Variants in ANXA8 observed in about 807,000 individuals in gnomAD.
ANXA8 encodes VAC-beta.
Under a neutral mutation model 26.8 loss-of-function variants are expected in ANXA8, and 9 were observed. The observed-to-expected ratio is 0.34, with a 90% CI of 0.20 to 0.59. The LOEUF is 0.59. Among genes scored for constraint, ANXA8 ranks in the 20% least tolerant of loss-of-function variants. ANXA8 has a pLI of 0.84. For missense variants in ANXA8, 83 were observed against 238.5 expected (o/e 0.35, Z 4.29); for synonymous variants, 39 against 94.8 (o/e 0.41, Z 3.42).
At chr10:47,688,645 C>G in the ANXA8 span, among the ~76,000 whole-genome samples, 1 of 151,320 alleles carries the variant, frequency 6.6e-6, no homozygotes, top group Non-Finnish European at 1.5e-5. Flanking sequence ...TGGTCTTGAA[C>G]TCCTGACCTC....
At chr10:47,676,316 A>G in the ANXA8 span, among the ~76,000 whole-genome samples, 1 of 151,916 alleles carries the variant, frequency 6.6e-6, no homozygotes, top group Non-Finnish European at 1.5e-5. Context: ...CAATTCACAA[A>G]TGGAAGGAGT....
the ANXA8 span, among the ~76,000 whole-genome samples, chr10:47,981,852 GT>G: frequency 6.6e-6 from 1 of 151,888 alleles, no homozygotes; most frequent in Admixed American, 6.6e-5. Flanking sequence ...AGATGTCAAT[GT>G]TTCCCAAATT....
At chr10:47,918,383 GAGAAAGAAAGAAAGAA>G in the ANXA8 span, among the ~76,000 whole-genome samples, 1 of 10,506 alleles carries the variant, frequency 9.5e-5, no homozygotes, top group Non-Finnish European at 1.6e-4. Flanking sequence ...GAGAGAGAGA[GAGAAAGAAAGAAAGAA>G]AGAAAGAAAG....
chr10:47,702,202 A>G, the ANXA8 span, among the ~76,000 whole-genome samples: 7 of 150,532 alleles, frequency 4.7e-5, no homozygotes, highest in Admixed American at 1.3e-4. Flanking sequence ...AGGCATGTGT[A>G]TATGGGTGGG....
chr10:47,517,193 T>TAGACAGTG, the ANXA8 span, among the ~76,000 whole-genome samples: 1 of 95,606 alleles, frequency 1.0e-5, no homozygotes, highest in Non-Finnish European at 2.0e-5. Flanking sequence ...AGAAAGTCAA[T>TAGACAGTG]AGACAGTGCT....
At chr10:47,738,747 T>A in the ANXA8 span, among the ~76,000 whole-genome samples, 1 of 152,042 alleles carries the variant, frequency 6.6e-6, no homozygotes, top group African/African-American at 2.4e-5. Flanking sequence ...TGGATAATTT[T>A]TGTATTTTTT....
At chr10:47,675,715 T>C in the ANXA8 span, among the ~76,000 whole-genome samples, 5 of 151,576 alleles carry the variant, frequency 3.3e-5, no homozygotes, top group Non-Finnish European at 5.9e-5. Flanking sequence ...TAATGAAAAG[T>C]TACAAGGCAC....
the ANXA8 span, chr10:47,588,939 G>A: frequency 7.1e-6 from 1 of 140,532 alleles, no homozygotes; most frequent in African/African-American, 3.0e-5. Flanking sequence ...CTCAGCCTCC[G>A]AGTAGCTGGG....
At chr10:47,658,366 A>G in the ANXA8 span, among the ~76,000 whole-genome samples, 7 of 149,460 alleles carry the variant, frequency 4.7e-5, no homozygotes, top group African/African-American at 1.5e-4. Context: ...AGCCTGGGCA[A>G]CAGTGCAAGA....
the ANXA8 span, among the ~76,000 whole-genome samples, chr10:47,647,849 A>C: frequency 6.6e-6 from 1 of 151,960 alleles, no homozygotes; most frequent in African/African-American, 2.4e-5. Flanking sequence ...CCACATAGGA[A>C]ATAGGAGAAA....
the ANXA8 span, among the ~76,000 whole-genome samples, chr10:47,777,441 C>CCA: frequency 6.6e-6 from 1 of 152,266 alleles, no homozygotes; most frequent in South Asian, 2.1e-4. Context: ...GTGTGAGCCA[C>CCA]CACACCAGGC....
the ANXA8 span, among the ~76,000 whole-genome samples, chr10:47,492,280 G>T: frequency 6.8e-6 from 1 of 148,102 alleles, no homozygotes; most frequent in Non-Finnish European, 1.5e-5. Context: ...AGTCAGAGGG[G>T]GGCACAGCAC....
the ANXA8 span, among the ~76,000 whole-genome samples, chr10:47,587,580 C>T: frequency 2.0e-5 from 3 of 147,168 alleles, no homozygotes; most frequent in African/African-American, 5.4e-5. Flanking sequence ...ACACAAGAGG[C>T]GAGTGACTTG....
At chr10:47,676,835 T>C in the ANXA8 span, among the ~76,000 whole-genome samples, 1 of 146,668 alleles carries the variant, frequency 6.8e-6, no homozygotes, top group Non-Finnish European at 1.5e-5. Context: ...GGAGAATCAC[T>C]TGAACCCAGG....
At chr10:47,701,946 A>G in the ANXA8 span, among the ~76,000 whole-genome samples, 1 of 151,212 alleles carries the variant, frequency 6.6e-6, no homozygotes, top group Admixed American at 6.6e-5. Flanking sequence ...CTATAAGGCT[A>G]ATGACAGAAA....
At chr10:47,637,489 CT>C in the ANXA8 span, among the ~76,000 whole-genome samples, 1 of 148,224 alleles carries the variant, frequency 6.7e-6, no homozygotes, top group African/African-American at 2.6e-5. Flanking sequence ...GAAAATCTGT[CT>C]GTGGAAAACA....
chr10:47,672,763 T>C, the ANXA8 span, among the ~76,000 whole-genome samples: 329 of 148,478 alleles, frequency 2.2e-3, 4 homozygotes, highest in African/African-American at 7.6e-3. Context: ...GAGACCTTAA[T>C]GTACTGAGGG....
the ANXA8 span, among the ~76,000 whole-genome samples, chr10:47,745,940 G>C: frequency 6.6e-6 from 1 of 150,616 alleles, no homozygotes. Context: ...GCACAATGCA[G>C]CTTGCCTTTT....
the ANXA8 span, among the ~76,000 whole-genome samples, chr10:47,967,223 C>T: frequency 2.1e-4 from 31 of 150,636 alleles, no homozygotes; most frequent in African/African-American, 7.5e-4. Flanking sequence ...GAGGCAACTT[C>T]TTGTAAACAT....
Sources: gnomAD v4.1 joint callset for allele counts (sites outside exome capture counted in the v4.1 genomes callset) on GRCh38, gnomAD v4.1.1 for gene constraint, MANE v1.5 for transcripts, NCBI Gene and HGNC (gene_info 2026-07-23, HGNC 2026-07-21) for gene names.